DLGAP3: variants seen among roughly 807,000 people sequenced by gnomAD.
DLGAP3 encodes DLG associated protein 3, also known as disks large-associated protein 3.
In DLGAP3, 17 loss-of-function variants were observed where a neutral mutation model predicts 81.2. That is an observed-to-expected ratio of 0.21 (90% confidence interval 0.14 to 0.31). The LOEUF is 0.31. DLGAP3 is among the 10% of genes least tolerant of loss of function. DLGAP3 has a pLI of 1.00. For missense variants in DLGAP3, 1,124 were observed against 1,388.0 expected (o/e 0.81, Z 3.02); for synonymous variants, 577 against 587.4 (o/e 0.98, Z 0.26).
rs1639504425 is a variant in DLGAP3, at chr1:34,904,172, C to T, written c.1107+105G>A. 1 of 1,407,630 alleles carries T rather than the reference C, an allele frequency of 7.1e-7. No individual in the cohort carries two copies. The highest frequency in any genetic ancestry group is 1.4e-5 in the African/African-American group (1 of 71,484). 87.2% of individuals were successfully genotyped at this position (1,407,630 alleles called of 1,614,324 possible). A position where few individuals can be genotyped will look rare whatever the true frequency, so the allele number is the denominator to read the frequency against. ...AGAGCCTCCCTACACCCAGGCCCTC[C>T]ATCACAGGGACAGCTGGCTCCCACC... On this transcript the variant is annotated intron_variant, in intron 3 of 11. Transcript: ENST00000373347. The surrounding 1 kb of genome is among the most constrained non-coding windows in gnomAD (Gnocchi z 8.1).
intron 8 of DLGAP3, among the ~76,000 whole-genome samples, chr1:34,879,372 T>C (rs1054340015): frequency 3.3e-5 from 5 of 152,124 alleles, no homozygotes; most frequent in Non-Finnish European, 2.9e-5. Context: ...CAGTTCACAA[T>C]AGGGTTCAGG....
intron 5 of DLGAP3, among the ~76,000 whole-genome samples, chr1:34,897,970 G>A (rs1029100484): frequency 1.3e-5 from 2 of 152,214 alleles, no homozygotes; most frequent in African/African-American, 4.8e-5. Context: ...GAATTCAGAG[G>A]ATAGAGCAGC....
chr1:34,918,084 G>A (rs1362071434), intron 1 of DLGAP3, among the ~76,000 whole-genome samples: 1 of 152,222 alleles, frequency 6.6e-6, no homozygotes, highest in East Asian at 1.9e-4. Context: ...GGCACAGGCA[G>A]AACCCTCAGA....
intron 1 of DLGAP3, among the ~76,000 whole-genome samples, chr1:34,911,491 G>C (rs1398786276): frequency 6.6e-6 from 1 of 152,172 alleles, no homozygotes; most frequent in Non-Finnish European, 1.5e-5. Flanking sequence ...ACAGAGAGCT[G>C]CCCGAATGGT....
At chr1:34,903,487 C>T (rs556696123) in intron 3 of DLGAP3, among the ~76,000 whole-genome samples, 27 of 152,310 alleles carry the variant, frequency 1.8e-4, no homozygotes, top group Non-Finnish European at 1.9e-4. Flanking sequence ...CCTAAAATTA[C>T]GGCAGGACTT....
chr1:34,894,958 G>T (rs547711207), intron 5 of DLGAP3, among the ~76,000 whole-genome samples: 1 of 152,332 alleles, frequency 6.6e-6, no homozygotes, highest in African/African-American at 2.4e-5. Flanking sequence ...TATTTGAGGT[G>T]ATGGGTATGT....
rs1639523194 is a variant in DLGAP3, at chr1:34,905,081, G to A, written c.303C>T (p.Thr101=). The change falls in exon 3 of 12, where the codon ACC becomes ACT. Residue 101 remains threonine (T), a synonymous_variant. Coordinates refer to ENST00000373347, the MANE Select transcript of DLGAP3 (RefSeq NM_001080418.3). The part of the protein sequence containing the change: ...RMYPGQGPFD[T]CEDCVGHPQG... ...GTGGGTGGCCCACACAGTCTTCACAGGTGTCGAAGGGGCCCTGGCCAGGGT... is the reference window on the plus strand; with the variant it reads ...GTGGGTGGCCCACACAGTCTTCACAAGTGTCGAAGGGGCCCTGGCCAGGGT... 2 of 1,593,708 alleles carry A rather than the reference G, an allele frequency of 1.3e-6. No individual in the cohort carries two copies. The highest frequency in any genetic ancestry group is 1.8e-5 in the Admixed American group (1 of 57,058).
Position 34,929,446 on chromosome 1 carries a change from C to T in DLGAP3, c.-135+5G>A, listed in dbSNP as rs1463525517. The T allele has an allele frequency of 1.4e-4, 21 of 148,314 alleles. No individual in the cohort carries two copies. Among genetic ancestry groups the T allele is most frequent in the Admixed American group, 1.1e-3 (16 of 14,962 alleles). The allele number at this position is 148,314 out of a possible 1,614,324, so 9.2% of individuals were successfully genotyped here. Reference sequence around the variant, plus strand: ...GCCCCGTCCCCACTCCTCCCCGCGGCTTACCTGGCCCGGCTCGGGCTCCGG... The same window carrying T: ...GCCCCGTCCCCACTCCTCCCCGCGGTTTACCTGGCCCGGCTCGGGCTCCGG... On this transcript the variant is annotated splice_donor_5th_base_variant and intron_variant, in intron 1 of 11. Transcript: ENST00000373347. The surrounding 1 kb of genome is among the most constrained non-coding windows in gnomAD (Gnocchi z 6.5).
intron 1 of DLGAP3, among the ~76,000 whole-genome samples, chr1:34,919,908 C>T (rs1372633551): frequency 9.2e-5 from 14 of 152,238 alleles, no homozygotes; most frequent in Non-Finnish European, 1.8e-4. Flanking sequence ...CCTGAATTCA[C>T]ATCACAACCC....
At chr1:34,875,404 C>T (rs559955728) in intron 8 of DLGAP3, among the ~76,000 whole-genome samples, 2 of 152,198 alleles carry the variant, frequency 1.3e-5, no homozygotes, top group African/African-American at 4.8e-5. Context: ...TGAGTATGTC[C>T]CAAATATTGC....
chr1:34,886,943 CTTTTTTTTT>C (rs949966445), intron 5 of DLGAP3, among the ~76,000 whole-genome samples: 5 of 64,298 alleles, frequency 7.8e-5, no homozygotes, highest in Admixed American at 2.1e-4. Context: ...CCCCCACCTT[CTTTTTTTTT>C]TTTTTTTTTT....
chr1:34,880,907 T>C (rs1191591888), intron 8 of DLGAP3, among the ~76,000 whole-genome samples: 1 of 152,150 alleles, frequency 6.6e-6, no homozygotes, highest in African/African-American at 2.4e-5. Flanking sequence ...ACTGAAGCTG[T>C]AGTTTTAAAA....
chr1:34,905,101 C>T lies in DLGAP3; in HGVS notation c.283G>A (p.Gly95Ser). The stretch of plus-strand genomic sequence containing the variant: ...TCACAGGTGTCGAAGGGGCCCTGGC[C>T]AGGGTACATCCTGGGGAAGGTGCTG... ...GSSTFPRMYP[G>S]QGPFDTCEDC... Residue 95 changes from glycine (G) to serine (S), a missense_variant, in exon 3 of 12, where the codon GGC becomes AGC. Transcript: ENST00000373347. 1 of 1,587,486 alleles carries T rather than the reference C, an allele frequency of 6.3e-7. No individual in the cohort carries two copies. Among genetic ancestry groups the T allele is most frequent in the South Asian group, 1.1e-5 (1 of 87,420 alleles).
At chr1:34,871,146 A>G (rs1182621197) in intron 8 of DLGAP3, among the ~76,000 whole-genome samples, 2 of 152,146 alleles carry the variant, frequency 1.3e-5, no homozygotes, top group Admixed American at 1.3e-4. Context: ...CCCCTGCTCA[A>G]AACCCTTCCA....
intron 1 of DLGAP3, among the ~76,000 whole-genome samples, chr1:34,920,079 G>T (rs1221430428): frequency 6.6e-6 from 1 of 152,192 alleles, no homozygotes; most frequent in Admixed American, 6.5e-5. Context: ...GCTTCAGGAA[G>T]TCTGGGCCAT....
intron 5 of DLGAP3, among the ~76,000 whole-genome samples, chr1:34,893,254 A>G (rs1639342733): frequency 6.6e-6 from 1 of 152,214 alleles, no homozygotes; most frequent in Non-Finnish European, 1.5e-5. Flanking sequence ...AAAGAAAAAT[A>G]ACTGTCAGCC....
At chr1:34,892,977 C>A (rs1354636563) in intron 5 of DLGAP3, among the ~76,000 whole-genome samples, 17 of 151,086 alleles carry the variant, frequency 1.1e-4, no homozygotes, top group Admixed American at 2.6e-4. Flanking sequence ...TCGAGACCAT[C>A]CTGGCTAACA....
chr1:34,887,286 C>T (rs775236084), intron 5 of DLGAP3, among the ~76,000 whole-genome samples: 11 of 152,056 alleles, frequency 7.2e-5, no homozygotes, highest in African/African-American at 9.7e-5. Context: ...TCCACTCACT[C>T]GGGTTCTGGC....
In DLGAP3 at chr1:34,904,551, C is replaced by A; in HGVS notation, c.833G>T (p.Arg278Met). Reference protein sequence around the residue: ...DSDSGFLAGGRPPGEPGGPFC... With the variant: ...DSDSGFLAGGMPPGEPGGPFC... ...GGGACCACCAGGCTCCCCAGGGGGC[C>A]TCCCACCCGCCAGGAAGCCGCTATC... is the stretch of plus-strand genomic sequence containing the variant. The change falls in exon 3 of 12, where the codon AGG becomes ATG. Residue 278 changes from arginine (R) to methionine (M), a missense_variant. Arg to Met is a moderately conservative substitution (Grantham distance 91). Coordinates refer to ENST00000373347, the MANE Select transcript of DLGAP3 (RefSeq NM_001080418.3). The surrounding 1 kb of genome is among the most constrained non-coding windows in gnomAD (Gnocchi z 8.1). 6.2e-7 allele frequency: 1 copy of A among 1,614,130 alleles called. No individual in the cohort carries two copies. The highest frequency in any genetic ancestry group is 8.5e-7 in the Non-Finnish European group (1 of 1,179,948).
Sources: gnomAD v4.1 joint callset for allele counts (sites outside exome capture counted in the v4.1 genomes callset) on GRCh38, gnomAD v4.1.1 for gene constraint, Gnocchi (gnomAD v3.1) non-coding constraint, MANE v1.5 for transcripts, NCBI Gene and HGNC (gene_info 2026-07-23, HGNC 2026-07-21) for gene names.